Variants in TCF20 observed in about 807,000 individuals in gnomAD.
TCF20 encodes transcription factor 20.
Under a neutral mutation model 148.6 loss-of-function variants are expected in TCF20, and 3 were observed. The observed-to-expected ratio is 0.02, with a 90% CI of 0.01 to 0.05. The LOEUF (loss-of-function observed/expected upper bound fraction) is 0.05. TCF20 is among the 10% of genes least tolerant of loss of function. TCF20 has a pLI of 1.00. For synonymous variants in TCF20, 1,049 were observed against 909.5 expected (o/e 1.15, Z -2.76); for missense variants, 2,350 against 2,429.3 (o/e 0.97, Z 0.69).
chr22:42,294,336 C>A (rs1927189126), intron 1 of TCF20, among the ~76,000 whole-genome samples: 1 of 152,248 alleles, frequency 6.6e-6, no homozygotes, highest in Non-Finnish European at 1.5e-5. Context: ...TCTTGCTCTC[C>A]CAGCCTGACA....
chr22:42,236,147 C>T (rs1923863732), intron 1 of TCF20, among the ~76,000 whole-genome samples: 1 of 152,032 alleles, frequency 6.6e-6, no homozygotes, highest in African/African-American at 2.4e-5. Flanking sequence ...CTGCACACTC[C>T]AGCCTGGGTG....
chr22:42,284,065 C>A (rs1156866138), upstream of TCF20, among the ~76,000 whole-genome samples: 3 of 152,124 alleles, frequency 2.0e-5, no homozygotes, highest in Admixed American at 2.0e-4. Context: ...TCTGACATCA[C>A]GGCCCCTGCC....
At chr22:42,178,756 T>C (rs1936595400) in intron 3 of TCF20, among the ~76,000 whole-genome samples, 1 of 151,560 alleles carries the variant, frequency 6.6e-6, no homozygotes, top group Non-Finnish European at 1.5e-5. Context: ...ATTTTTGTAG[T>C]TTTAGTAGAG....
At chr22:42,231,300 T>C (rs149886580) in intron 1 of TCF20, among the ~76,000 whole-genome samples, 7 of 152,086 alleles carry the variant, frequency 4.6e-5, no homozygotes, top group East Asian at 1.9e-4. Flanking sequence ...CTGGGCAACA[T>C]AGCATGACTC....
intron 5 of TCF20, among the ~76,000 whole-genome samples, chr22:42,161,970 G>GTTTTTTTT (rs1569090301): frequency 1.3e-5 from 1 of 75,104 alleles, no homozygotes; most frequent in African/African-American, 6.5e-5. Context: ...GCTAATGACA[G>GTTTTTTTT]TCTTTTTTTT....
intron 1 of TCF20, among the ~76,000 whole-genome samples, chr22:42,233,243 T>G (rs1261460587): frequency 6.6e-6 from 1 of 152,154 alleles, no homozygotes; most frequent in African/African-American, 2.4e-5. Context: ...TATTATAGTC[T>G]CATTTAATCT....
chr22:42,335,563 G>A (rs1928051933), intron 1 of TCF20, among the ~76,000 whole-genome samples: 2 of 152,200 alleles, frequency 1.3e-5, no homozygotes, highest in Non-Finnish European at 1.5e-5. Flanking sequence ...AATACTGACT[G>A]GCAGAGAGAA....
At chr22:42,204,594 C>T (rs1278281986) in intron 2 of TCF20, among the ~76,000 whole-genome samples, 1 of 152,176 alleles carries the variant, frequency 6.6e-6, no homozygotes, top group African/African-American at 2.4e-5. Context: ...CCTGTAATCC[C>T]AGCACTTTGG....
At chr22:42,245,200 C>T (rs994325195) in intron 1 of TCF20, among the ~76,000 whole-genome samples, 4 of 152,166 alleles carry the variant, frequency 2.6e-5, no homozygotes, top group African/African-American at 9.7e-5. Context: ...CTCCCTTACT[C>T]CTTTTTTTCT....
intron 1 of TCF20, among the ~76,000 whole-genome samples, chr22:42,322,698 G>A (rs1014401080): frequency 2.0e-5 from 3 of 151,762 alleles, no homozygotes; most frequent in African/African-American, 7.3e-5. Flanking sequence ...GAATGAATGA[G>A]TGTCTGAGGG....
rs1406439560 is a variant in TCF20, at chr22:42,270,452, TCCAGCTCGGGCGCCC to T, written c.-165_-151del. Among the ~76,000 whole-genome samples the T allele has an allele frequency of 7.2e-6, 1 of 139,148 alleles. No individual in the cohort carries two copies. Among genetic ancestry groups the T allele is most frequent in the Non-Finnish European group, 1.6e-5 (1 of 63,756 alleles). The allele number at this position is 139,148 out of a possible 152,430, so 91.3% of individuals were successfully genotyped here. ...TGGGGGTGGGGGTGGCTCCGCCGCC[TCCAGCTCGGGCGCCC>T]GGGCCGGCGGCGGGGCGGGCCGGGG... On this transcript the variant is annotated 5_prime_UTR_variant, in exon 1 of 6. Transcript: ENST00000677622.
At chr22:42,248,391 C>A (rs1925093417) in intron 1 of TCF20, among the ~76,000 whole-genome samples, 1 of 152,162 alleles carries the variant, frequency 6.6e-6, no homozygotes, top group Admixed American at 6.5e-5. Flanking sequence ...CAGTCTGTTT[C>A]TTTATCCCCG....
chr22:42,328,206 C>T (rs895510722), intron 1 of TCF20, among the ~76,000 whole-genome samples: 7 of 152,104 alleles, frequency 4.6e-5, no homozygotes, highest in African/African-American at 1.4e-4. Flanking sequence ...GAGAACCACA[C>T]GTCTCTAGCT....
chr22:42,184,840 G>T (rs1351426233), intron 2 of TCF20, among the ~76,000 whole-genome samples: 1 of 152,156 alleles, frequency 6.6e-6, no homozygotes, highest in East Asian at 1.9e-4. Flanking sequence ...CTCTAAACTT[G>T]GGAAATAAAT....
intron 2 of TCF20, among the ~76,000 whole-genome samples, chr22:42,186,669 G>A (rs1034939013): frequency 1.3e-5 from 2 of 152,030 alleles, no homozygotes; most frequent in African/African-American, 4.8e-5. Context: ...CATCTCCGAC[G>A]GTGTGGAAGG....
chr22:42,184,614 T>C (rs754363810), intron 2 of TCF20, among the ~76,000 whole-genome samples: 1 of 152,132 alleles, frequency 6.6e-6, no homozygotes, highest in Non-Finnish European at 1.5e-5. Flanking sequence ...ACAGTGTTAC[T>C]ACATTCACTC....
Position 42,211,950 on chromosome 22 carries a change from G to A in TCF20, c.3356C>T (p.Pro1119Leu), listed in dbSNP as rs1345931852. The part of the protein sequence containing the change: ...IAAAQHRQEG[P>L]RKSPRQQQFL... ...CTGCTGCTGCCTTGGACTCTTCCGTGGCCCCTCCTGCCTGTGCTGTGCTGC... is the reference window on the plus strand; with the variant it reads ...CTGCTGCTGCCTTGGACTCTTCCGTAGCCCCTCCTGCCTGTGCTGTGCTGC... Residue 1119 changes from proline (P) to leucine (L), a missense_variant, in exon 2 of 6, where the codon CCA becomes CTA. Physicochemically the swap from Pro to Leu is moderately conservative, Grantham distance 98 (BLOSUM62 -3). Coordinates refer to ENST00000677622, the MANE Select transcript of TCF20 (RefSeq NM_001378418.1). 5.0e-6 allele frequency: 8 copies of A among 1,614,028 alleles called. No homozygotes were observed. Among genetic ancestry groups the A allele is most frequent in the Non-Finnish European group, 6.8e-6 (8 of 1,180,042 alleles).
At chr22:42,246,324 T>TAA (rs1924901156) in intron 1 of TCF20, among the ~76,000 whole-genome samples, 1 of 152,050 alleles carries the variant, frequency 6.6e-6, no homozygotes, top group Non-Finnish European at 1.5e-5. Context: ...AGGCTGGTCT[T>TAA]AAACTCTTTA....
At chr22:42,307,626 A>C (rs1324667225) in intron 1 of TCF20, among the ~76,000 whole-genome samples, 3 of 152,230 alleles carry the variant, frequency 2.0e-5, no homozygotes, top group Non-Finnish European at 4.4e-5. Context: ...GTGAGGAGCT[A>C]AGTGAAGCGT....
Sources: allele counts gnomAD v4.1 joint callset (sites outside exome capture counted in the v4.1 genomes callset), GRCh38; gene constraint gnomAD v4.1.1; transcripts MANE v1.5; gene names NCBI Gene and HGNC (gene_info 2026-07-23, HGNC 2026-07-21).